The following IL1RAPL2 variants were observed in gnomAD, a reference collection of about 807,000 sequenced individuals.
IL1RAPL2 encodes the protein interleukin 1 receptor accessory protein like 2.
Under a neutral mutation model 44.1 loss-of-function variants are expected in IL1RAPL2, and 3 were observed. That is an observed-to-expected ratio of 0.07 (90% CI 0.03 to 0.18). The LOEUF (loss-of-function observed/expected upper bound fraction) is 0.18, where lower values mean the gene tolerates loss of function less well. Ranked by LOEUF, IL1RAPL2 falls within the 10% of genes least tolerant of loss-of-function variation. The pLI, the probability that IL1RAPL2 is intolerant of heterozygous loss-of-function variation, is 1.00. For synonymous variants in IL1RAPL2, 181 were observed against 178.8 expected (o/e 1.01, Z -0.10); for missense variants, 391 against 496.4 (o/e 0.79, Z 2.02).
At chrX:105,013,493 A>G (rs1018406260) in intron 2 of IL1RAPL2, among the ~76,000 whole-genome samples, 8 of 109,989 alleles carry the variant, frequency 7.3e-5, no homozygotes, top group Non-Finnish European at 1.1e-4. Flanking sequence ...CTTTCTGCCT[A>G]CCAGAGACAG....
intron 5 of IL1RAPL2, among the ~76,000 whole-genome samples, chrX:105,422,420 A>G (rs2035779942): frequency 8.9e-6 from 1 of 112,006 alleles, no homozygotes; most frequent in African/African-American, 3.2e-5. Context: ...TGATTCCTTA[A>G]AGGAAAGCAC....
At chrX:104,805,804 G>A (rs1932918884) in intron 2 of IL1RAPL2, among the ~76,000 whole-genome samples, 1 of 111,848 alleles carries the variant, frequency 8.9e-6, no homozygotes, top group African/African-American at 3.3e-5. Context: ...CTATGTGGTA[G>A]GTACTATTAC....
rs751827217 is a variant in IL1RAPL2 at position 105,740,683 on chromosome X, G to A, written c.1040G>A (p.Arg347His). The change falls in exon 8 of 11, where the codon CGT (arginine) becomes CAT (histidine). Residue 347 changes from arginine to histidine, a missense_variant. Arg to His is a conservative substitution (Grantham distance 29, BLOSUM62 0). Transcript: ENST00000372582. ...CGGAAACATGCCAGTGTTTTGCTGC[G>A]TAAAAAGGGTATTTATTTTTATAAC... is the stretch of plus-strand genomic sequence containing the variant. ...NGRKHASVLL[R>H]KKDLIYKIEL... 1.7e-5 allele frequency: 21 copies of A among 1,200,507 alleles called. No individual in the cohort carries two copies. The highest frequency in any genetic ancestry group is 3.5e-5 in the African/African-American group (2 of 56,967).
intron 6 of IL1RAPL2, among the ~76,000 whole-genome samples, chrX:105,520,203 G>C (rs2036545196): frequency 9.0e-6 from 1 of 111,542 alleles, no homozygotes; most frequent in Non-Finnish European, 1.9e-5. Flanking sequence ...TGTTGGGAAT[G>C]GATCATTCCA....
chrX:105,411,951 G>C (rs190874524), intron 5 of IL1RAPL2, among the ~76,000 whole-genome samples: 160 of 111,561 alleles, frequency 1.4e-3, no homozygotes, highest in Middle Eastern at 4.6e-3. Context: ...AGCACATCAA[G>C]TATCTCTTCT....
chrX:104,633,223 T>C (rs5962963), intron 1 of IL1RAPL2, among the ~76,000 whole-genome samples: 6,949 of 111,633 alleles, frequency 0.062, 522 homozygotes, highest in African/African-American at 0.22. Context: ...CTTTTTGATA[T>C]GCTGCTGGAT....
At chrX:105,258,794 T>C (rs2034334786) in intron 4 of IL1RAPL2, among the ~76,000 whole-genome samples, 1 of 112,192 alleles carries the variant, frequency 8.9e-6, no homozygotes, top group South Asian at 3.7e-4. Flanking sequence ...TTAGGTTCAT[T>C]CTTATACCAG....
At chrX:105,617,430 G>A (rs1034794479) in intron 6 of IL1RAPL2, among the ~76,000 whole-genome samples, 5 of 110,797 alleles carry the variant, frequency 4.5e-5, no homozygotes, top group Admixed American at 9.7e-5. Flanking sequence ...TGGTCCCAGG[G>A]CATCACATAA....
intron 2 of IL1RAPL2, among the ~76,000 whole-genome samples, chrX:105,190,302 A>G (rs2033622665): frequency 8.9e-6 from 1 of 112,065 alleles, no homozygotes; most frequent in South Asian, 3.7e-4. Context: ...GGCTTCTGTC[A>G]CCTACAATGG....
chrX:105,054,514 A>T (rs186577617), intron 2 of IL1RAPL2, among the ~76,000 whole-genome samples: 263 of 111,747 alleles, frequency 2.4e-3, no homozygotes, highest in African/African-American at 7.3e-3. Context: ...TTGAACTCCT[A>T]AGCTCAAGTC....
intron 6 of IL1RAPL2, among the ~76,000 whole-genome samples, chrX:105,697,770 G>C (rs768007054): frequency 8.9e-6 from 1 of 111,764 alleles, no homozygotes; most frequent in African/African-American, 3.2e-5. Context: ...GCATGTTTGA[G>C]TTGTGTACAA....
intron 2 of IL1RAPL2, among the ~76,000 whole-genome samples, chrX:105,078,015 T>C (rs1406833532): frequency 8.9e-6 from 1 of 111,942 alleles, no homozygotes; most frequent in Non-Finnish European, 1.9e-5. Flanking sequence ...TAGTTTGATC[T>C]TCTGGAGCCT....
At chrX:105,120,684 C>CTAAA (rs1231135948) in intron 2 of IL1RAPL2, among the ~76,000 whole-genome samples, 5 of 111,746 alleles carry the variant, frequency 4.5e-5, no homozygotes, top group Non-Finnish European at 9.4e-5. Flanking sequence ...GTGCTGTCAC[C>CTAAA]TAAATTTAGC....
At chrX:104,570,951 T>C (rs949953876) in intron 1 of IL1RAPL2, among the ~76,000 whole-genome samples, 1 of 111,174 alleles carries the variant, frequency 9.0e-6, no homozygotes, top group Non-Finnish European at 1.9e-5. Context: ...TTTGTTTTTT[T>C]TTTTTATCCC....
At chrX:104,835,168 A>G (rs1335956610) in intron 2 of IL1RAPL2, among the ~76,000 whole-genome samples, 1 of 111,675 alleles carries the variant, frequency 9.0e-6, no homozygotes, top group African/African-American at 3.3e-5. Context: ...TATTGTTTTC[A>G]TTACTGAGGC....
Position 104,950,721 on chromosome X carries a change from T to G in IL1RAPL2, c.83-244754T>G, listed in dbSNP as rs191600847. Among the ~76,000 whole-genome samples the G allele has an allele frequency of 8.4e-3, 917 of 109,309 alleles. 38 individuals are homozygous for G. Among genetic ancestry groups the G allele is most frequent in the Admixed American group, 0.077 (801 of 10,395 alleles). The allele number at this position is 109,309 out of a possible 115,157, so 94.9% of individuals were successfully genotyped here. Reference sequence around the variant, plus strand: ...TTTGTTTGTTTTTGTTTTTGTTTTTTTTTTTGAGACGGAGTCTCGCTGTCG... The same window carrying G: ...TTTGTTTGTTTTTGTTTTTGTTTTTGTTTTTGAGACGGAGTCTCGCTGTCG... On this transcript the variant is annotated intron_variant, in intron 2 of 10. Transcript: ENST00000372582.
chrX:104,995,071 T>G (rs2030724783), intron 2 of IL1RAPL2, among the ~76,000 whole-genome samples: 1 of 111,117 alleles, frequency 9.0e-6, no homozygotes, highest in Non-Finnish European at 1.9e-5. Flanking sequence ...CCCTGACTAC[T>G]TCATCTAAAA....
chrX:105,362,761 T>A (rs2035257012), intron 5 of IL1RAPL2, among the ~76,000 whole-genome samples: 1 of 111,868 alleles, frequency 8.9e-6, no homozygotes, highest in Admixed American at 9.5e-5. Context: ...TATTTATTTT[T>A]ATTGTATATA....
chrX:105,738,980 C>A (rs1055411998), intron 7 of IL1RAPL2, among the ~76,000 whole-genome samples: 8 of 110,841 alleles, frequency 7.2e-5, no homozygotes, highest in African/African-American at 2.6e-4. Context: ...GCTCAGAGCA[C>A]ATTACTGCAT....
Sources: allele counts gnomAD v4.1 joint callset (sites outside exome capture counted in the v4.1 genomes callset), GRCh38; gene constraint gnomAD v4.1.1; transcripts MANE v1.5; gene names NCBI Gene and HGNC (gene_info 2026-07-23, HGNC 2026-07-21).